Variants in INSYN2A observed in about 807,000 individuals in gnomAD.
The protein encoded by INSYN2A is family with sequence similarity 196 member A.
In INSYN2A, 17 loss-of-function variants were observed where a neutral mutation model predicts 39.4. That is an observed-to-expected ratio of 0.43 (90% CI 0.30 to 0.65). The LOEUF is 0.65. Among genes scored for constraint, INSYN2A ranks in the 30% least tolerant of loss-of-function variants. The pLI, the probability that INSYN2A is intolerant of heterozygous loss-of-function variation, is 0.14. For missense variants in INSYN2A, 595 were observed against 631.2 expected (o/e 0.94, Z 0.61); for synonymous variants, 255 against 265.7 (o/e 0.96, Z 0.39).
chr10:127,190,947 A>G lies in INSYN2A; in HGVS notation c.-269+1658T>C, dbSNP rs150214434. ...TATACCGCCTTAATCTTCTGAGAATATATGTTCTTGTTTCAAACATCAACA... is the reference window on the plus strand; with the variant it reads ...TATACCGCCTTAATCTTCTGAGAATGTATGTTCTTGTTTCAAACATCAACA... On this transcript the variant is annotated intron_variant, in intron 2 of 5. Coordinates refer to ENST00000522781, the MANE Select transcript of INSYN2A (RefSeq NM_001039762.3). Among the ~76,000 whole-genome samples, 753 of 151,994 alleles carry G rather than the reference A, an allele frequency of 5.0e-3. 8 individuals are homozygous for G. The highest frequency in any genetic ancestry group is 0.017 in the African/African-American group (719 of 41,436).
chr10:127,152,524 C>A (rs1223128765), intron 5 of INSYN2A, among the ~76,000 whole-genome samples: 2 of 152,148 alleles, frequency 1.3e-5, no homozygotes, highest in African/African-American at 4.8e-5. Flanking sequence ...GTGCCTCTTA[C>A]AACACTCTAA....
intron 4 of INSYN2A, among the ~76,000 whole-genome samples, chr10:127,157,781 A>G (rs2053223998): frequency 6.6e-6 from 1 of 152,174 alleles, no homozygotes; most frequent in Admixed American, 6.5e-5. Flanking sequence ...GGTTTTGTTT[A>G]AGTTTTGTTT....
intron 4 of INSYN2A, among the ~76,000 whole-genome samples, chr10:127,158,847 C>T (rs1170554282): frequency 6.6e-6 from 1 of 152,146 alleles, no homozygotes; most frequent in African/African-American, 2.4e-5. Flanking sequence ...TGGAAAACAT[C>T]GCATTCAGCA....
intron 5 of INSYN2A, chr10:127,145,871 A>G (rs2051776599): frequency 5.0e-6 from 2 of 401,204 alleles, no homozygotes; most frequent in Non-Finnish European, 9.8e-6. Flanking sequence ...TGTGTGTGTC[A>G]TCTGGTGTCA....
chr10:127,142,954 C>T (rs1369022348), intron 5 of INSYN2A, among the ~76,000 whole-genome samples: 2 of 152,206 alleles, frequency 1.3e-5, no homozygotes, highest in East Asian at 3.9e-4. Context: ...TCTCAGGCTG[C>T]TCTCCAGCCT....
At chr10:127,194,278 G>C (rs1447149075) in intron 1 of INSYN2A, among the ~76,000 whole-genome samples, 1 of 152,140 alleles carries the variant, frequency 6.6e-6, no homozygotes, top group African/African-American at 2.4e-5. Context: ...TAAAACCATC[G>C]TGAGGAGCAG....
chr10:127,152,890 A>T (rs2133497716), intron 5 of INSYN2A, among the ~76,000 whole-genome samples: 1 of 152,230 alleles, frequency 6.6e-6, no homozygotes, highest in Non-Finnish European at 1.5e-5. Flanking sequence ...CCTATCTGGG[A>T]TGCTCTGTCT....
At chr10:127,159,703 A>G (rs993916191) in intron 4 of INSYN2A, among the ~76,000 whole-genome samples, 3 of 152,168 alleles carry the variant, frequency 2.0e-5, no homozygotes, top group Non-Finnish European at 4.4e-5. Context: ...ACCGTTGGCA[A>G]AAGAGGGCAT....
chr10:127,163,275 T>C (rs1206561219), intron 4 of INSYN2A, among the ~76,000 whole-genome samples: 1 of 152,162 alleles, frequency 6.6e-6, no homozygotes, highest in Non-Finnish European at 1.5e-5. Context: ...GGTCCTTTCA[T>C]GCCCAGTGAA....
chr10:127,169,950 C>T (rs1165679306), intron 4 of INSYN2A, among the ~76,000 whole-genome samples: 1 of 152,030 alleles, frequency 6.6e-6, no homozygotes, highest in Non-Finnish European at 1.5e-5. Flanking sequence ...TCTTGAACAC[C>T]ACCGTAAGCG....
intron 4 of INSYN2A, among the ~76,000 whole-genome samples, chr10:127,167,576 A>G (rs552549950): frequency 1.3e-4 from 20 of 152,276 alleles, no homozygotes; most frequent in Non-Finnish European, 2.5e-4. Flanking sequence ...ACATCTCTAT[A>G]GAATATGTTC....
At chr10:127,149,392 G>A (rs2052250579) in intron 5 of INSYN2A, among the ~76,000 whole-genome samples, 1 of 152,150 alleles carries the variant, frequency 6.6e-6, no homozygotes, top group Non-Finnish European at 1.5e-5. Context: ...AAGACCGTTT[G>A]TCCTTTTGAT....
intron 5 of INSYN2A, among the ~76,000 whole-genome samples, chr10:127,139,645 G>A (rs548447607): frequency 1.3e-5 from 2 of 152,290 alleles, no homozygotes; most frequent in South Asian, 2.1e-4. Flanking sequence ...CCTCAGTTCC[G>A]TGATGTGGTG....
chr10:127,161,129 A>G (rs983447983), intron 4 of INSYN2A, among the ~76,000 whole-genome samples: 5 of 152,210 alleles, frequency 3.3e-5, no homozygotes, highest in Non-Finnish European at 4.4e-5. Context: ...AGTTTGCCAG[A>G]TTATGCCCCG....
intron 5 of INSYN2A, among the ~76,000 whole-genome samples, chr10:127,143,247 G>A (rs990956307): frequency 3.3e-5 from 5 of 152,180 alleles, no homozygotes; most frequent in African/African-American, 4.8e-5. Flanking sequence ...CTGGTGCCCC[G>A]GAGCTTGCTT....
intron 5 of INSYN2A, among the ~76,000 whole-genome samples, chr10:127,140,665 G>A (rs531898251): frequency 1.3e-5 from 2 of 152,282 alleles, no homozygotes; most frequent in Admixed American, 6.5e-5. Context: ...TTGACACACC[G>A]AGTCTCTGGG....
chr10:127,154,816 G>C (rs937092628), intron 4 of INSYN2A, among the ~76,000 whole-genome samples: 1 of 152,116 alleles, frequency 6.6e-6, no homozygotes, highest in Non-Finnish European at 1.5e-5. Context: ...TATTGTTGAA[G>C]GTTGTATAAA....
chr10:127,148,943 C>G (rs1225888087), intron 5 of INSYN2A, among the ~76,000 whole-genome samples: 1 of 152,264 alleles, frequency 6.6e-6, no homozygotes, highest in Admixed American at 6.5e-5. Context: ...TGTCAACCAT[C>G]TCAAAATTTG....
At chr10:127,140,572 C>CT (rs2051133406) in intron 5 of INSYN2A, among the ~76,000 whole-genome samples, 1 of 149,714 alleles carries the variant, frequency 6.7e-6, no homozygotes, top group Non-Finnish European at 1.5e-5. Flanking sequence ...GTTCTGGACA[C>CT]TGCTTCCTGC....
Sources: allele counts gnomAD v4.1 joint callset (sites outside exome capture counted in the v4.1 genomes callset), GRCh38; gene constraint gnomAD v4.1.1; transcripts MANE v1.5; gene names NCBI Gene and HGNC (gene_info 2026-07-23, HGNC 2026-07-21).